Variants in AGPAT3 observed in about 807,000 individuals in gnomAD.
AGPAT3 encodes the protein 1-acylglycerol-3-phosphate O-acyltransferase 3.
Under a neutral mutation model 47.3 loss-of-function variants are expected in AGPAT3, and 5 were observed. The observed-to-expected ratio is 0.11, with a 90% CI of 0.06 to 0.22. The LOEUF (loss-of-function observed/expected upper bound fraction) is 0.22. Among genes scored for constraint, AGPAT3 ranks in the 10% least tolerant of loss-of-function variants. AGPAT3 has a pLI of 1.00. For synonymous variants in AGPAT3, 212 were observed against 208.3 expected (o/e 1.02, Z -0.15); for missense variants, 315 against 493.0 (o/e 0.64, Z 3.42).
intron 2 of AGPAT3, among the ~76,000 whole-genome samples, chr21:43,942,581 C>T (rs769963537): frequency 5.3e-5 from 8 of 152,248 alleles, no homozygotes; most frequent in Non-Finnish European, 1.2e-4. Flanking sequence ...CAGGAACCCT[C>T]TGTGCTCGGT....
intron 2 of AGPAT3, among the ~76,000 whole-genome samples, chr21:43,943,860 A>G (rs931090166): frequency 3.9e-5 from 6 of 152,332 alleles, no homozygotes; most frequent in East Asian, 1.9e-4. Context: ...TGTGTTTAAA[A>G]TCAGGGCGAG....
intron 1 of AGPAT3, among the ~76,000 whole-genome samples, chr21:43,881,339 C>T (rs2085849952): frequency 6.6e-6 from 1 of 152,156 alleles, no homozygotes; most frequent in Admixed American, 6.5e-5. Flanking sequence ...CTTTAGAAGG[C>T]AAAGGGTTGG....
intron 1 of AGPAT3, among the ~76,000 whole-genome samples, chr21:43,876,553 T>A (rs1371267202): frequency 2.0e-5 from 3 of 152,244 alleles, no homozygotes; most frequent in Non-Finnish European, 4.4e-5. Context: ...AAAGACATAA[T>A]TGACTTAGAT....
At chr21:43,978,592 A>G (rs911843294) in intron 8 of AGPAT3, among the ~76,000 whole-genome samples, 3 of 152,252 alleles carry the variant, frequency 2.0e-5, no homozygotes, top group Non-Finnish European at 4.4e-5. Flanking sequence ...TACAGGCATG[A>G]GCCACCACAC....
At chr21:43,899,737 T>TTG (rs2086309493) in intron 1 of AGPAT3, among the ~76,000 whole-genome samples, 1 of 152,030 alleles carries the variant, frequency 6.6e-6, no homozygotes, top group African/African-American at 2.4e-5. Flanking sequence ...AGGCATCACC[T>TTG]CGTGTGTGTG....
At chr21:43,951,768 A>G (rs1045942977) in intron 2 of AGPAT3, among the ~76,000 whole-genome samples, 1 of 152,188 alleles carries the variant, frequency 6.6e-6, no homozygotes, top group Non-Finnish European at 1.5e-5. Flanking sequence ...TTGCCGTCCT[A>G]TGTGTGCAGA....
rs1354302991 is a variant in AGPAT3, at chr21:43,981,651, T to G, written c.1042+464T>G. On this transcript the variant is annotated intron_variant, in intron 9 of 9. Coordinates refer to ENST00000291572, the MANE Select transcript of AGPAT3 (RefSeq NM_020132.5). This position sits in a 1 kb window ranked among gnomAD's most constrained non-coding sequence, Gnocchi z 5.3. Reference sequence around the variant, plus strand: ...GCCCACCACGACTCATCAGCTAGCCTGGGGCCGAACAGACACCCAGCCTGT... The same window carrying G: ...GCCCACCACGACTCATCAGCTAGCCGGGGGCCGAACAGACACCCAGCCTGT... Among the ~76,000 whole-genome samples the G allele has an allele frequency of 6.6e-6, 1 of 152,022 alleles. No individual in the cohort carries two copies. The highest frequency in any genetic ancestry group is 1.9e-4 in the East Asian group (1 of 5,174).
chr21:43,977,314 T>C (rs187745355), intron 7 of AGPAT3, among the ~76,000 whole-genome samples: 11 of 152,344 alleles, frequency 7.2e-5, no homozygotes, highest in Non-Finnish European at 1.6e-4. Context: ...AATCTTTGCC[T>C]AATGAAAGAC....
In AGPAT3 at chr21:43,955,126, T is replaced by C. The variant is rs2146544007; in HGVS notation, c.-48-4508T>C. 1 of 1,273,860 alleles carries C rather than the reference T, an allele frequency of 7.9e-7. No homozygotes were observed. The highest frequency in any genetic ancestry group is 1.5e-5 in the African/African-American group (1 of 65,354). 78.9% of individuals were successfully genotyped at this position (1,273,860 alleles called of 1,614,324 possible). ...CCGTGGCACGTCCATGCCGTGGGGG[T>C]CACTCAGCAGCCACGGATGCGCCCT... On this transcript the variant is annotated intron_variant, in intron 2 of 9. Transcript: ENST00000291572. This position sits in a 1 kb window ranked among gnomAD's most constrained non-coding sequence, Gnocchi z 4.1.
At chr21:43,969,081 C>A (rs374909159) in intron 4 of AGPAT3, 37 bp from the exon 5 acceptor site, 7 of 1,610,390 alleles carry the variant, frequency 4.3e-6, no homozygotes, top group African/African-American at 1.3e-5. Context: ...CTGTCCGACG[C>A]TGAAGTGCCA....
intron 1 of AGPAT3, among the ~76,000 whole-genome samples, chr21:43,898,246 A>G (rs1380683889): frequency 6.6e-6 from 1 of 152,238 alleles, no homozygotes; most frequent in African/African-American, 2.4e-5. Flanking sequence ...GCGTTGAAAT[A>G]TACCATCTTA....
chr21:43,897,372 G>A (rs975841723), intron 1 of AGPAT3, among the ~76,000 whole-genome samples: 1 of 151,848 alleles, frequency 6.6e-6, no homozygotes, highest in South Asian at 2.1e-4. Flanking sequence ...CACAGACACA[G>A]TAACAATCTG....
chr21:43,926,896 T>G (rs2087072981), intron 2 of AGPAT3, among the ~76,000 whole-genome samples: 1 of 150,422 alleles, frequency 6.6e-6, no homozygotes, highest in African/African-American at 2.5e-5. Context: ...GGAGAATTGC[T>G]TGAACCCAGG....
chr21:43,957,586 A>ACGGGGTTTCCCCCTCCACG (rs2088539750), intron 2 of AGPAT3, among the ~76,000 whole-genome samples: 1 of 123,242 alleles, frequency 8.1e-6, no homozygotes, highest in Non-Finnish European at 1.6e-5. Context: ...CCCCCTCCAC[A>ACGGGGTTTCCCCCTCCACG]CGGGGTTTCC....
At chr21:43,977,191 T>C (rs564111594) in intron 7 of AGPAT3, among the ~76,000 whole-genome samples, 1 of 152,352 alleles carries the variant, frequency 6.6e-6, no homozygotes, top group South Asian at 2.1e-4. Context: ...GTAGATTTAG[T>C]ATGTAAATAA....
Position 43,908,261 on chromosome 21 carries a change from T to C in AGPAT3, c.-49+4242T>C, listed in dbSNP as rs539949109. On this transcript the variant is annotated intron_variant, in intron 2 of 9. Coordinates refer to ENST00000291572, the MANE Select transcript of AGPAT3 (RefSeq NM_020132.5). This position sits in a 1 kb window ranked among gnomAD's most constrained non-coding sequence, Gnocchi z 4.9. The stretch of plus-strand genomic sequence containing the variant: ...GTGATATCCAGAGCTGGCAGCTTTG[T>C]TGGGGCTGGTCACTCCCCAGCCCTG... 5.7e-4 allele frequency among the ~76,000 whole-genome samples: 87 copies of C among 152,198 alleles called. No individual in the cohort carries two copies. The highest frequency in any genetic ancestry group is 1.0e-3 in the Non-Finnish European group (68 of 67,984).
chr21:43,940,567 C>A (rs2087619075), intron 2 of AGPAT3, among the ~76,000 whole-genome samples: 2 of 152,198 alleles, frequency 1.3e-5, no homozygotes. Flanking sequence ...TCAGAACATT[C>A]CTGAAGGAGC....
chr21:43,890,440 T>A (rs1189744019), intron 1 of AGPAT3, among the ~76,000 whole-genome samples: 1 of 152,008 alleles, frequency 6.6e-6, no homozygotes, highest in African/African-American at 2.4e-5. Flanking sequence ...TAAGACAGGG[T>A]CTTGCTCTAT....
At chr21:43,877,152 C>T (rs929260392) in intron 1 of AGPAT3, among the ~76,000 whole-genome samples, 2 of 152,156 alleles carry the variant, frequency 1.3e-5, no homozygotes, top group African/African-American at 4.8e-5. Flanking sequence ...AGCCACCATG[C>T]CCAGCCCACC....
Sources: gnomAD v4.1 joint callset for allele counts (sites outside exome capture counted in the v4.1 genomes callset) on GRCh38, gnomAD v4.1.1 for gene constraint, Gnocchi (gnomAD v3.1) non-coding constraint, MANE v1.5 for transcripts, NCBI Gene and HGNC (gene_info 2026-07-23, HGNC 2026-07-21) for gene names.